Variants in PAIP1 observed in about 807,000 individuals in gnomAD.
PAIP1 encodes polyadenylate-binding protein-interacting protein 1.
In PAIP1, 16 loss-of-function variants were observed where a neutral mutation model predicts 61.3. The ratio of observed to expected loss-of-function variants is 0.26; its 90% CI spans 0.18 to 0.40. The LOEUF (loss-of-function observed/expected upper bound fraction) is 0.40, where lower values mean the gene tolerates loss of function less well. PAIP1 is among the 10% of genes least tolerant of loss of function. The pLI is 1.00. For missense variants in PAIP1, 416 were observed against 600.9 expected (o/e 0.69, Z 3.22); for synonymous variants, 187 against 226.2 (o/e 0.83, Z 1.56).
intron 4 of PAIP1, among the ~76,000 whole-genome samples, chr5:43,542,470 G>A (rs1466668613): frequency 6.7e-6 from 1 of 149,812 alleles, no homozygotes; most frequent in African/African-American, 2.5e-5. Flanking sequence ...GGAGGCAGAG[G>A]TTGCAGTGAG....
chr5:43,556,783 C>T lies in PAIP1; in HGVS notation c.64G>A (p.Gly22Arg). ...GRGRSRGLGR[G>R]GGGPEGGGFP... ...CCGCCGCCCTCAGGCCCGCCCCCTCCGCGGCCCAGGCCCCGGCTCCGGCCC... is the reference window on the plus strand; with the variant it reads ...CCGCCGCCCTCAGGCCCGCCCCCTCTGCGGCCCAGGCCCCGGCTCCGGCCC... Residue 22 changes from glycine (G) to arginine (R), a missense_variant, in exon 1 of 11, where the codon GGA becomes AGA. Transcript: ENST00000306846. 2.1e-6 allele frequency: 3 copies of T among 1,442,812 alleles called. No individual in the cohort carries two copies. The highest frequency in any genetic ancestry group is 1.4e-5 in the South Asian group (1 of 72,500). The allele number at this position is 1,442,812 out of a possible 1,614,324, so 89.4% of individuals were successfully genotyped here.
At chr5:43,548,655 CA>C (rs1747738115) in intron 2 of PAIP1, among the ~76,000 whole-genome samples, 1 of 152,100 alleles carries the variant, frequency 6.6e-6, no homozygotes. Flanking sequence ...GCGAGTTTTA[CA>C]AAAGATAATA....
intron 2 of PAIP1, among the ~76,000 whole-genome samples, chr5:43,554,490 GC>G (rs1344375362): frequency 6.6e-6 from 1 of 151,922 alleles, no homozygotes; most frequent in Non-Finnish European, 1.5e-5. Context: ...CAATCCCAAA[GC>G]TTTTTCCTAT....
chr5:43,551,816 G>A (rs936251962), intron 2 of PAIP1, among the ~76,000 whole-genome samples: 5 of 147,374 alleles, frequency 3.4e-5, no homozygotes, highest in Non-Finnish European at 7.4e-5. Context: ...AGTAAAAGAA[G>A]AAAGTAGAAC....
At chr5:43,533,568 G>T (rs574044767) in intron 9 of PAIP1, among the ~76,000 whole-genome samples, 170 bp downstream of exon 9, 3 of 152,338 alleles carry the variant, frequency 2.0e-5, no homozygotes, top group African/African-American at 7.2e-5. Flanking sequence ...AATGTTTCAA[G>T]TGGTCACTAT....
Position 43,547,780 on chromosome 5 carries a change from C to G in PAIP1, c.569G>C (p.Cys190Ser). ...IEQFAETLNG[C>S]VTTDDALQEL... is the part of the protein sequence containing the mutation. Reference sequence around the variant, plus strand: ...TTGCAAAGCATCATCTGTTGTAACACAACCATTCAGGGTCTCTGCAAACTG... The same window carrying G: ...TTGCAAAGCATCATCTGTTGTAACAGAACCATTCAGGGTCTCTGCAAACTG... Residue 190 changes from cysteine (C) to serine (S), a missense_variant, in exon 3 of 11, where the codon TGT becomes TCT. Coordinates refer to ENST00000306846, the MANE Select transcript of PAIP1 (RefSeq NM_006451.5). 2.5e-6 allele frequency: 4 copies of G among 1,611,992 alleles called. No individual in the cohort carries two copies. Among genetic ancestry groups the G allele is most frequent in the Non-Finnish European group, 3.4e-6 (4 of 1,179,520 alleles).
chr5:43,543,143 T>G, intron 3 of PAIP1, 27 bp from the exon 4 acceptor site: 2 of 1,140,038 alleles, frequency 1.8e-6, no homozygotes, highest in Non-Finnish European at 2.7e-6. Context: ...AAGTGTTATA[T>G]GACATAGGTA....
At chr5:43,546,370 T>C (rs988944625) in intron 3 of PAIP1, among the ~76,000 whole-genome samples, 1 of 152,244 alleles carries the variant, frequency 6.6e-6, no homozygotes, top group Non-Finnish European at 1.5e-5. Flanking sequence ...ATTTGTTTCA[T>C]TTTCTTATCT....
intron 5 of PAIP1, among the ~76,000 whole-genome samples, chr5:43,537,282 T>C (rs1747191667): frequency 1.3e-5 from 2 of 152,204 alleles, no homozygotes; most frequent in Admixed American, 1.3e-4. Context: ...TATTTTAAAA[T>C]ATGGTATTTT....
intron 1 of PAIP1, chr5:43,556,295 T>C (rs1748069819): frequency 7.9e-7 from 1 of 1,259,860 alleles, no homozygotes; most frequent in African/African-American, 1.5e-5. Flanking sequence ...AGGGTCTCGC[T>C]TTAGAGGGCT....
intron 7 of PAIP1, 92 bp downstream of exon 7, chr5:43,535,442 C>T (rs1747106337): frequency 6.8e-6 from 5 of 729,998 alleles, no homozygotes; most frequent in South Asian, 4.7e-5. Flanking sequence ...CATCAACTTA[C>T]CCTGCTGAAG....
At chr5:43,547,441 A>G (rs1372106675) in intron 3 of PAIP1, among the ~76,000 whole-genome samples, 2 of 152,194 alleles carry the variant, frequency 1.3e-5, no homozygotes, top group Non-Finnish European at 2.9e-5. Context: ...TTCAGTGCCC[A>G]TATCACCTTC....
chr5:43,531,676 A>AAAAAAAAAAAAAAAAAAAG (rs70997407), intron 9 of PAIP1, among the ~76,000 whole-genome samples: 4 of 143,010 alleles, frequency 2.8e-5, no homozygotes, highest in Non-Finnish European at 4.6e-5. Flanking sequence ...AAAAAAAAAA[A>AAAAAAAAAAAAAAAAAAAG]AGAGAAAAAA....
intron 4 of PAIP1, among the ~76,000 whole-genome samples, chr5:43,541,865 C>T (rs774874096): frequency 6.6e-6 from 1 of 151,688 alleles, no homozygotes; most frequent in Non-Finnish European, 1.5e-5. Context: ...GTTCATTAGA[C>T]GAAACAAGCA....
At chr5:43,538,811 T>C (rs1747261841) in intron 5 of PAIP1, 113 bp downstream of exon 5, 1 of 648,292 alleles carries the variant, frequency 1.5e-6, no homozygotes. Flanking sequence ...CTTTCCTCTC[T>C]CTTTCATTTC....
chr5:43,556,610 C>CT lies in PAIP1; in HGVS notation c.236dup (p.Arg80AlafsTer20). On this transcript the variant is annotated frameshift_variant, in exon 1 of 11. Transcript: ENST00000306846. LOFTEE classifies it high-confidence loss of function. ...GGAGCGCCCCGGGCCGGGAAGGCCGCTGGGGGCTGGCGGGGACCTCGCACT... is the reference window on the plus strand; with the variant it reads ...GGAGCGCCCCGGGCCGGGAAGGCCGCTTGGGGGCTGGCGGGGACCTCGCACT... The CT allele has an allele frequency of 8.0e-7, 1 of 1,255,516 alleles. No individual in the cohort carries two copies. Among genetic ancestry groups the CT allele is most frequent in the Non-Finnish European group, 1.0e-6 (1 of 996,908 alleles). The allele number at this position is 1,255,516 out of a possible 1,614,324, so 77.8% of individuals were successfully genotyped here. A position where few individuals can be genotyped will look rare whatever the true frequency, so the allele number is the denominator to read the frequency against.
intron 4 of PAIP1, among the ~76,000 whole-genome samples, chr5:43,541,307 ATTTTT>A (rs1747399020): frequency 1.0e-4 from 1 of 9,800 alleles, no homozygotes; most frequent in Admixed American, 1.7e-3. Flanking sequence ...TTTTTTTTGT[ATTTTT>A]AGGGTTTTTT....
chr5:43,527,589 C>A (rs1746756882), intron 10 of PAIP1, 120 bp from the exon 11 acceptor site: 1 of 782,234 alleles, frequency 1.3e-6, no homozygotes. Flanking sequence ...AGAACACAAG[C>A]CTAACTTTAG....
chr5:43,529,725 A>G, intron 10 of PAIP1, 61 bp downstream of exon 10: 2 of 888,588 alleles, frequency 2.3e-6, no homozygotes, highest in Non-Finnish European at 3.8e-6. Flanking sequence ...TACTTTGTCT[A>G]ATCTCCACCT....
Sources: allele counts gnomAD v4.1 joint callset (sites outside exome capture counted in the v4.1 genomes callset), GRCh38; gene constraint gnomAD v4.1.1; transcripts MANE v1.5; gene names NCBI Gene and HGNC (gene_info 2026-07-23, HGNC 2026-07-21).